The following DDX3X variants were observed in gnomAD, a reference collection of about 807,000 sequenced individuals.
DDX3X encodes ATP-dependent RNA helicase DDX3X.
Under a neutral mutation model 52.7 loss-of-function variants are expected in DDX3X, and 4 were observed. That is an observed-to-expected ratio of 0.08 (90% confidence interval 0.04 to 0.17). DDX3X has a LOEUF of 0.17. DDX3X is among the 10% of genes least tolerant of loss of function. The pLI, the probability that DDX3X is intolerant of heterozygous loss-of-function variation, is 1.00. For missense variants in DDX3X, 222 were observed against 548.6 expected (o/e 0.40, Z 5.95); for synonymous variants, 192 against 178.1 (o/e 1.08, Z -0.62).
In DDX3X at chrX:41,349,887, TGTTTA is replaced by T. The variant is rs1224354767; in HGVS notation, c.*2172_*2176del. On this transcript the variant is annotated 3_prime_UTR_variant, in exon 17 of 17. Transcript: ENST00000644876. The stretch of plus-strand genomic sequence containing the variant: ...TCTCAGATGTTTGTTGTGTGGATTT[TGTTTA>T]GTTGTGTGTTTTTTTTTTTTTTTCA... The T allele has an allele frequency of 2.8e-5, 3 of 106,482 alleles. No individual in the cohort carries two copies. The highest frequency in any genetic ancestry group is 6.9e-5 in the African/African-American group (2 of 28,847). The allele number at this position is 106,482 out of a possible 1,213,427, so 8.8% of individuals were successfully genotyped here. A position where few individuals can be genotyped will look rare whatever the true frequency, so the allele number is the denominator to read the frequency against.
chrX:41,334,656 C>A lies in DDX3X; in HGVS notation c.45+359C>A, dbSNP rs773990147. The A allele has an allele frequency of 1.0e-5, 11 of 1,052,884 alleles. No homozygotes were observed. The African/African-American group carries it at 1.7e-4, about 16-fold the overall frequency. 86.8% of individuals were successfully genotyped at this position (1,052,884 alleles called of 1,213,427 possible). A position where few individuals can be genotyped will look rare whatever the true frequency, so the allele number is the denominator to read the frequency against. On this transcript the variant is annotated intron_variant, in intron 1 of 16. Coordinates refer to ENST00000644876, the MANE Select transcript of DDX3X (RefSeq NM_001356.5). ...TGCGGGAGTGCGCAGCGCGGCGGGA[C>A]GCGACTGGAGGCCCTTTTGGCTTGG...
chrX:41,347,594 A>C, intron 16 of DDX3X, 46 bp from the exon 17 acceptor site: 1 of 1,138,924 alleles, frequency 8.8e-7, no homozygotes, highest in South Asian at 1.9e-5. Flanking sequence ...GTATTTAATG[A>C]TGGATAACTT....
At chrX:41,334,590 C>T (rs1569230852) in intron 1 of DDX3X, 1 of 1,082,955 alleles carries the variant, frequency 9.2e-7, no homozygotes, top group Admixed American at 3.2e-5. Context: ...CGCGGGGACG[C>T]GCATGCGCGA....
At position 41,348,420 on chromosome X, in the gene DDX3X, A is replaced by G. The variant is rs1730616280; in HGVS notation, c.*701A>G. The G allele has an allele frequency of 8.9e-6, 1 of 112,949 alleles. No homozygotes were observed. The highest frequency in any genetic ancestry group is 3.2e-5 in the African/African-American group (1 of 30,983). 9.3% of individuals were successfully genotyped at this position (112,949 alleles called of 1,213,427 possible). On this transcript the variant is annotated 3_prime_UTR_variant, in exon 17 of 17. Coordinates refer to ENST00000644876, the MANE Select transcript of DDX3X (RefSeq NM_001356.5). ...GATGAGGTGATGTATGAATACATGC[A>G]TACATTCAAAGCACTGTTTTCAAAG...
chrX:41,350,987 CAT>C (rs2063981005), downstream of DDX3X: 7 of 111,991 alleles, frequency 6.3e-5, no homozygotes, highest in South Asian at 2.6e-3. Context: ...TCTTTCCAGT[CAT>C]GAACTCAAAA....
rs1047093007 is a variant in DDX3X, at chrX:41,340,812, A to G, written c.152-672A>G. ...ACCACCTCCAAGAAACATGGAAACA[A>G]TGGTAACTGTTTTTCCTAGTAAACT... is the stretch of plus-strand genomic sequence containing the variant. On this transcript the variant is annotated intron_variant, in intron 3 of 16. Transcript: ENST00000644876. 19 of 295,174 alleles carry G rather than the reference A, an allele frequency of 6.4e-5. No homozygotes were observed. The Admixed American group carries it at 7.4e-4, about 12-fold the overall frequency. The allele number at this position is 295,174 out of a possible 1,213,427, so 24.3% of individuals were successfully genotyped here.
At chrX:41,361,762 T>A (rs765724993) in intron 5 of DDX3X, among the ~76,000 whole-genome samples, 1 of 111,517 alleles carries the variant, frequency 9.0e-6, no homozygotes, top group East Asian at 2.8e-4. Context: ...TGAGCCACTG[T>A]GCCCGGCCTA....
At chrX:41,334,611 A>T (rs2063731617) in intron 1 of DDX3X, 1 of 1,087,278 alleles carries the variant, frequency 9.2e-7, no homozygotes, top group African/African-American at 1.8e-5. Flanking sequence ...ATCCCGACTG[A>T]TTAGTGACCT....
intron 5 of DDX3X, chrX:41,358,105 T>G: frequency 4.0e-6 from 1 of 251,880 alleles, no homozygotes. Context: ...GAGATGGAGT[T>G]TCGCTATTGT....
At chrX:41,355,279 A>G (rs1367101743) in intron 5 of DDX3X, among the ~76,000 whole-genome samples, 1 of 111,569 alleles carries the variant, frequency 9.0e-6, no homozygotes, top group Non-Finnish European at 1.9e-5. Context: ...TCGTGTAGAC[A>G]TAAGTTTTCA....
chrX:41,354,344 C>CTTTTT (rs60965317), downstream of DDX3X, among the ~76,000 whole-genome samples: 1 of 69,961 alleles, frequency 1.4e-5, no homozygotes, highest in Non-Finnish European at 2.4e-5. Context: ...TGTGCTACCT[C>CTTTTT]TTTTTTTTTT....
Position 41,345,167 on chromosome X carries a change from C to T in DDX3X, c.1026-13C>T, listed in dbSNP as rs2147356116. 1 of 1,197,674 alleles carries T rather than the reference C, an allele frequency of 8.3e-7. No homozygotes were observed. On this transcript the variant is annotated splice_polypyrimidine_tract_variant and intron_variant, in intron 10 of 16. Coordinates refer to ENST00000644876, the MANE Select transcript of DDX3X (RefSeq NM_001356.5). ...TTCTAAACTCAGGCTTGTTTTTTTT[C>T]ATGACATGACAGATACTTGGTGTTA... is the stretch of plus-strand genomic sequence containing the variant.
downstream of DDX3X, chrX:41,351,400 C>T (rs930540520): frequency 8.9e-5 from 10 of 111,837 alleles, no homozygotes; most frequent in Admixed American, 3.8e-4. Flanking sequence ...GGCTGAATTT[C>T]AAGATTTTTA....
exon 6 of DDX3X, chrX:41,364,442 G>T (rs766577354): frequency 1.4e-3 from 418 of 291,277 alleles, no homozygotes; most frequent in Non-Finnish European, 1.1e-3. Context: ...TATTACATGA[G>T]AAAAATAAAC....
At chrX:41,351,888 G>T (rs746325318), downstream of DDX3X, among the ~76,000 whole-genome samples, 11 of 110,698 alleles carry the variant, frequency 9.9e-5, no homozygotes, top group Non-Finnish European at 1.5e-4. Flanking sequence ...ATTATGAAAG[G>T]ATATTTTGTG....
downstream of DDX3X, chrX:41,350,797 AC>A (rs1168558842): frequency 3.6e-5 from 4 of 111,912 alleles, no homozygotes; most frequent in African/African-American, 1.3e-4. Context: ...TGCTTACTGT[AC>A]ACACTGCTGC....
At chrX:41,356,809 T>C (rs1323594187) in intron 5 of DDX3X, among the ~76,000 whole-genome samples, 2 of 110,784 alleles carry the variant, frequency 1.8e-5, no homozygotes, top group African/African-American at 6.6e-5. Context: ...GAATTGCTTT[T>C]GTACCTTTGT....
intron 4 of DDX3X, 141 bp downstream of exon 4, chrX:41,341,757 G>A (rs895158063): frequency 8.0e-6 from 4 of 502,516 alleles, no homozygotes; most frequent in African/African-American, 2.4e-5. Flanking sequence ...TTACTAAATT[G>A]AACCTGTTAC....
chrX:41,344,066 A>G lies in DDX3X; in HGVS notation c.802A>G (p.Ile268Val), dbSNP rs2063889291. 5.8e-6 allele frequency: 7 copies of G among 1,207,435 alleles called. No homozygotes were observed. The highest frequency in any genetic ancestry group is 3.0e-5 in the East Asian group (1 of 33,789). The change falls in exon 9 of 17, where the codon ATC (isoleucine) becomes GTC (valine). Residue 268 changes from isoleucine to valine, a missense_variant. Ile to Val is a conservative substitution (Grantham distance 29, BLOSUM62 3). This residue lies in a region of DDX3X where 73 missense variants were observed against 301.4 expected (regional missense o/e 0.24). Transcript: ENST00000644876. The stretch of plus-strand genomic sequence containing the variant: ...GTATGGGCGCCGCAAACAATACCCA[A>G]TCTCCTTGGTATTAGCACCAACGAG... ...GRYGRRKQYP[I>V]SLVLAPTREL...
Sources: gnomAD v4.1 joint callset for allele counts (sites outside exome capture counted in the v4.1 genomes callset) on GRCh38, gnomAD v4.1.1 for gene constraint, gnomAD v4.1.1 regional missense constraint, MANE v1.5 for transcripts, NCBI Gene and HGNC (gene_info 2026-07-23, HGNC 2026-07-21) for gene names.